SLC12A8: variants seen among roughly 807,000 people sequenced by gnomAD.
The protein encoded by SLC12A8 is solute carrier family 12 member 8.
A neutral mutation model predicts 75.6 loss-of-function variants in SLC12A8; 69 were observed. The observed-to-expected ratio is 0.91, with a 90% CI of 0.75 to 1.11. The LOEUF (loss-of-function observed/expected upper bound fraction) is 1.11. Among genes scored for constraint, SLC12A8 ranks in the 50% most tolerant of loss-of-function variants. The pLI is 0.00. For synonymous variants in SLC12A8, 365 were observed against 372.8 expected (o/e 0.98, Z 0.24); for missense variants, 877 against 896.7 (o/e 0.98, Z 0.28).
rs375057056 is a variant in SLC12A8 at position 125,147,378 on chromosome 3, C to G, written c.623-11596G>C. Among the ~76,000 whole-genome samples, 10 of 152,352 alleles carry G rather than the reference C, an allele frequency of 6.6e-5. 1 individual carries two copies. The South Asian group carries it at 8.3e-4, about 13-fold the overall frequency. ...CCTTTGTGGGGCTGGCAGGGGCACT[C>G]TGCTCTCAGCCTTCTAGCTCTGAGA... is the stretch of plus-strand genomic sequence containing the variant. On this transcript the variant is annotated intron_variant, in intron 5 of 13. Coordinates refer to ENST00000469902, the MANE Select transcript of SLC12A8 (RefSeq NM_024628.6).
chr3:125,107,959 G>A lies in SLC12A8; in HGVS notation c.1227C>T (p.Ser409=). ...DYSYFSLSMC[S]CSLTPVPEPV... is the part of the protein sequence containing the mutation. Reference sequence around the variant, plus strand: ...GCTCAGGCACCGGGGTCAGGCTGCAGGAACACATGGACAGGGAGAAGTAAG... The same window carrying A: ...GCTCAGGCACCGGGGTCAGGCTGCAAGAACACATGGACAGGGAGAAGTAAG... Residue 409 remains serine (S), a synonymous_variant, in exon 10 of 14, where the codon TCC becomes TCT. Transcript: ENST00000469902. The A allele has an allele frequency of 6.2e-7, 1 of 1,614,208 alleles. No individual in the cohort carries two copies. Among genetic ancestry groups the A allele is most frequent in the Non-Finnish European group, 8.5e-7 (1 of 1,180,030 alleles).
At chr3:125,130,649 C>T (rs576821924) in intron 6 of SLC12A8, among the ~76,000 whole-genome samples, 1 of 151,728 alleles carries the variant, frequency 6.6e-6, no homozygotes, top group Non-Finnish European at 1.5e-5. Flanking sequence ...AAGACAAAAG[C>T]TTGGGAGTTG....
chr3:125,109,169 C>T (rs1202510966), intron 9 of SLC12A8, among the ~76,000 whole-genome samples: 1 of 152,142 alleles, frequency 6.6e-6, no homozygotes, highest in Non-Finnish European at 1.5e-5. Context: ...CTGTGGCTGG[C>T]TTTTCACGTC....
At chr3:125,190,242 G>T in intron 3 of SLC12A8, 133 bp downstream of exon 3, 1 of 942,742 alleles carries the variant, frequency 1.1e-6, no homozygotes, top group Non-Finnish European at 1.6e-6. Flanking sequence ...TATTCATCGT[G>T]CTTGCTTCTG....
chr3:125,154,476 A>G (rs144990151), intron 5 of SLC12A8, among the ~76,000 whole-genome samples: 1,990 of 152,160 alleles, frequency 0.013, 19 homozygotes, highest in Non-Finnish European at 0.023. Flanking sequence ...ACACACAGGG[A>G]CTCCATAGAT....
intron 6 of SLC12A8, among the ~76,000 whole-genome samples, chr3:125,129,663 T>C (rs1160448872): frequency 1.3e-5 from 2 of 152,226 alleles, no homozygotes; most frequent in African/African-American, 4.8e-5. Flanking sequence ...CGCCACAGTC[T>C]GGAGGTTCTC....
intron 2 of SLC12A8, among the ~76,000 whole-genome samples, chr3:125,202,529 T>G (rs1935143591): frequency 6.6e-6 from 1 of 152,200 alleles, no homozygotes; most frequent in South Asian, 2.1e-4. Flanking sequence ...ATGCAGTATT[T>G]TGTCTATATC....
chr3:125,137,936 C>T (rs189308224), intron 5 of SLC12A8, among the ~76,000 whole-genome samples: 281 of 147,974 alleles, frequency 1.9e-3, no homozygotes, highest in African/African-American at 7.1e-3. Context: ...CACACGCTCA[C>T]GCTCACACTC....
intron 10 of SLC12A8, among the ~76,000 whole-genome samples, chr3:125,093,058 C>T (rs1938625745): frequency 1.3e-5 from 2 of 152,122 alleles, no homozygotes; most frequent in Non-Finnish European, 2.9e-5. Flanking sequence ...CATTATTTAG[C>T]TCCCACTTAT....
Position 125,083,800 on chromosome 3 carries a change from T to C in SLC12A8, c.*90A>G. The C allele has an allele frequency of 7.7e-7, 1 of 1,293,464 alleles. No homozygotes were observed. The highest frequency in any genetic ancestry group is 1.1e-6 in the Non-Finnish European group (1 of 936,516). 80.1% of individuals were successfully genotyped at this position (1,293,464 alleles called of 1,614,324 possible). Reference sequence around the variant, plus strand: ...AGCGGGAGGATGGGTCTTGAGTTTCTCAGGTTGGAGAAGCAGCTCCACGAA... The same window carrying C: ...AGCGGGAGGATGGGTCTTGAGTTTCCCAGGTTGGAGAAGCAGCTCCACGAA... On this transcript the variant is annotated 3_prime_UTR_variant, in exon 14 of 14. Coordinates refer to ENST00000469902, the MANE Select transcript of SLC12A8 (RefSeq NM_024628.6).
intron 8 of SLC12A8, among the ~76,000 whole-genome samples, chr3:125,117,143 C>A (rs1939333189): frequency 6.6e-6 from 1 of 152,182 alleles, no homozygotes; most frequent in Admixed American, 6.5e-5. Flanking sequence ...TGCCTACAAG[C>A]CTTAAAAAGA....
chr3:125,207,669 G>C (rs1344209470), intron 2 of SLC12A8, among the ~76,000 whole-genome samples: 1 of 152,206 alleles, frequency 6.6e-6, no homozygotes, highest in African/African-American at 2.4e-5. Context: ...CAGGCTACCT[G>C]CTTTCTCCTG....
In SLC12A8 at chr3:125,120,017, G is replaced by A. The variant is rs1055442036; in HGVS notation, c.824+582C>T. On this transcript the variant is annotated intron_variant, in intron 7 of 13. Coordinates refer to ENST00000469902, the MANE Select transcript of SLC12A8 (RefSeq NM_024628.6). ...GGCCTGACGGCCTGGGGGAGCTGGAGGGGAGGCTCACTGGGGGAAGAAGAA... is the reference window on the plus strand; with the variant it reads ...GGCCTGACGGCCTGGGGGAGCTGGAAGGGAGGCTCACTGGGGGAAGAAGAA... 6 of 401,574 alleles carry A rather than the reference G, an allele frequency of 1.5e-5. No homozygotes were observed. The Admixed American group carries it at 1.8e-4, about 12-fold the overall frequency. 24.9% of individuals were successfully genotyped at this position (401,574 alleles called of 1,614,324 possible). A position where few individuals can be genotyped will look rare whatever the true frequency, so the allele number is the denominator to read the frequency against.
chr3:125,166,609 G>C (rs967105141), intron 5 of SLC12A8, among the ~76,000 whole-genome samples: 2 of 152,212 alleles, frequency 1.3e-5, no homozygotes, highest in Admixed American at 6.5e-5. Context: ...CCGACTGTAC[G>C]GGGAGCGCCA....
chr3:125,203,514 A>G (rs761309878), intron 2 of SLC12A8, among the ~76,000 whole-genome samples: 74 of 152,192 alleles, frequency 4.9e-4, no homozygotes, highest in Admixed American at 5.9e-4. Context: ...AATAAATGGT[A>G]CTAGGAAAAC....
chr3:125,116,206 T>C (rs1939308775), intron 8 of SLC12A8, among the ~76,000 whole-genome samples: 1 of 152,216 alleles, frequency 6.6e-6, no homozygotes, highest in Non-Finnish European at 1.5e-5. Flanking sequence ...TGCTGCTATT[T>C]TGAAGTCATC....
intron 13 of SLC12A8, among the ~76,000 whole-genome samples, chr3:125,085,463 A>ATTC (rs372692832): frequency 1.3e-5 from 2 of 152,168 alleles, no homozygotes; most frequent in Non-Finnish European, 2.9e-5. Context: ...CACACCCTAC[A>ATTC]TTCTTCTTCT....
intron 2 of SLC12A8, among the ~76,000 whole-genome samples, chr3:125,192,264 C>T (rs1228111368): frequency 1.3e-5 from 2 of 152,002 alleles, no homozygotes; most frequent in Admixed American, 6.5e-5. Context: ...TGAGGCAGGC[C>T]GGGAGGGGGC....
At chr3:125,105,100 G>C (rs548848006) in intron 10 of SLC12A8, among the ~76,000 whole-genome samples, 1 of 151,458 alleles carries the variant, frequency 6.6e-6, no homozygotes, top group Non-Finnish European at 1.5e-5. Context: ...AGAAGCCTTG[G>C]GAGAGAAAAT....
Sources: gnomAD v4.1 joint callset for allele counts (sites outside exome capture counted in the v4.1 genomes callset) on GRCh38, gnomAD v4.1.1 for gene constraint, MANE v1.5 for transcripts, NCBI Gene and HGNC (gene_info 2026-07-23, HGNC 2026-07-21) for gene names.